The following ECT2L variants were observed in gnomAD, a reference collection of about 807,000 sequenced individuals.
ECT2L encodes epithelial cell-transforming sequence 2 oncogene-like.
Under a neutral mutation model 122.8 loss-of-function variants are expected in ECT2L, and 126 were observed. That is an observed-to-expected ratio of 1.03 (90% CI 0.89 to 1.19). The LOEUF is 1.19. Ranked by LOEUF, ECT2L falls within the 50% of genes most tolerant of loss-of-function variation. The probability of loss-of-function intolerance (pLI) is 0.00; values close to 1 mark genes in which losing one functional copy is unlikely to be tolerated. For missense variants in ECT2L, 1,012 were observed against 1,064.1 expected, an observed-to-expected ratio of 0.95 and a Z score of 0.68; for synonymous variants, 385 against 381.8, an observed-to-expected ratio of 1.01 and a Z score of -0.10.
intron 20 of ECT2L, 52 bp downstream of exon 20, chr6:138,889,083 C>T (rs1390697447): frequency 2.1e-6 from 2 of 965,144 alleles, no homozygotes; most frequent in Admixed American, 2.5e-5. Context: ...AAGCAGGTGA[C>T]TGTCTTACTC....
chr6:138,853,816 A>G (rs1237946206), intron 9 of ECT2L, among the ~76,000 whole-genome samples: 1 of 152,216 alleles, frequency 6.6e-6, no homozygotes, highest in African/African-American at 2.4e-5. Context: ...ACCTGAGTGC[A>G]TAGTGTCCAA....
rs527577268 is a variant in ECT2L at position 138,850,329 on chromosome 6, G to C, written c.1069+895G>C. ...CTGGCTAATTTTTCTATTTTTAGTA[G>C]AGACAGGGTTCCACTATGTTGGCCA... On this transcript the variant is annotated intron_variant, in intron 9 of 21. Transcript: ENST00000541398. Among the ~76,000 whole-genome samples the C allele has an allele frequency of 2.0e-5, 3 of 152,100 alleles. No individual in the cohort carries two copies. In the East Asian group the frequency reaches 5.8e-4, roughly 30 times the overall value.
intron 1 of ECT2L, among the ~76,000 whole-genome samples, chr6:138,810,472 G>A (rs1321883281): frequency 6.6e-6 from 1 of 152,198 alleles, no homozygotes; most frequent in Non-Finnish European, 1.5e-5. Context: ...AATATCTGCA[G>A]TTAACTTTAG....
chr6:138,831,354 T>A (rs1012544267), intron 4 of ECT2L, among the ~76,000 whole-genome samples: 1 of 152,238 alleles, frequency 6.6e-6, no homozygotes, highest in African/African-American at 2.4e-5. Context: ...TTTAAAAAAT[T>A]GTAACCTTTA....
At position 138,862,617 on chromosome 6, in the gene ECT2L, G is replaced by T; in HGVS notation, c.1199-10G>T. On this transcript the variant is annotated splice_polypyrimidine_tract_variant and intron_variant, in intron 10 of 21. Coordinates refer to ENST00000541398, the MANE Select transcript of ECT2L (RefSeq NM_001077706.3). ...TGAGGAAACTAACGAAAGTGTTTTTGACTATGCAGAGGCAGGAATTGAAGT... is the reference window on the plus strand; with the variant it reads ...TGAGGAAACTAACGAAAGTGTTTTTTACTATGCAGAGGCAGGAATTGAAGT... 1 of 1,613,148 alleles carries T rather than the reference G, an allele frequency of 6.2e-7. No homozygotes were observed. The highest frequency in any genetic ancestry group is 1.1e-5 in the South Asian group (1 of 90,972).
chr6:138,823,255 T>C, intron 4 of ECT2L: 5 of 1,563,798 alleles, frequency 3.2e-6, no homozygotes, highest in Non-Finnish European at 4.3e-6. Flanking sequence ...TTGCTGAGCA[T>C]ACCCCAGCTG....
chr6:138,901,667 G>A lies in ECT2L; in HGVS notation c.2587+547G>A, dbSNP rs1288044229. 2.6e-5 allele frequency among the ~76,000 whole-genome samples: 4 copies of A among 152,082 alleles called. No homozygotes were observed. In the East Asian group the frequency reaches 5.8e-4, roughly 22 times the overall value. On this transcript the variant is annotated intron_variant, in intron 21 of 21. Coordinates refer to ENST00000541398, the MANE Select transcript of ECT2L (RefSeq NM_001077706.3). ...AGAAATATCATTTTGTCACGAAAAC[G>A]AAATCCTACTTAAACCCACTATACA...
chr6:138,838,494 TG>T lies in ECT2L; in HGVS notation c.324del (p.Trp108Ter). On this transcript the variant is annotated frameshift_variant, in exon 5 of 22. Transcript: ENST00000541398. LOFTEE classifies it high-confidence loss of function. ...LCAAAQVSWP[W>X]KFLTEQDCLW... is the part of the protein sequence containing the mutation. ...TGCCGCTGCCCAAGTCAGCTGGCCC[TG>T]GAAGTTTTTAACTGAACAGGTTTAC... 6.2e-7 allele frequency: 1 copy of T among 1,612,126 alleles called. No homozygotes were observed. The highest frequency in any genetic ancestry group is 8.5e-7 in the Non-Finnish European group (1 of 1,179,452).
At chr6:138,900,889 C>A (rs1779373200) in intron 20 of ECT2L, 59 bp from the exon 21 acceptor site, 1 of 1,529,954 alleles carries the variant, frequency 6.5e-7, no homozygotes. Flanking sequence ...AGATGCTTAA[C>A]TATGTAACAA....
intron 5 of ECT2L, among the ~76,000 whole-genome samples, chr6:138,842,026 GATA>G (rs975159496): frequency 9.2e-5 from 14 of 152,268 alleles, no homozygotes; most frequent in African/African-American, 3.4e-4. Context: ...TGGAACATTG[GATA>G]AGTGTCACAA....
chr6:138,900,193 A>G (rs1779352177), intron 20 of ECT2L, among the ~76,000 whole-genome samples: 1 of 152,154 alleles, frequency 6.6e-6, no homozygotes, highest in African/African-American at 2.4e-5. Flanking sequence ...TTCTCCTATT[A>G]ATACACCTCA....
At chr6:138,819,522 T>C (rs1455633896) in intron 4 of ECT2L, among the ~76,000 whole-genome samples, 1 of 146,624 alleles carries the variant, frequency 6.8e-6, no homozygotes, top group Admixed American at 7.0e-5. Flanking sequence ...GGCTCCATGA[T>C]AGCAAAGACT....
intron 4 of ECT2L, among the ~76,000 whole-genome samples, chr6:138,824,694 T>C (rs1301741233): frequency 6.6e-6 from 1 of 152,114 alleles, no homozygotes; most frequent in Non-Finnish European, 1.5e-5. Flanking sequence ...TCAGTGTCAG[T>C]CAGCCTCCCA....
At chr6:138,885,457 C>G (rs780211629) in intron 16 of ECT2L, 49 bp from the exon 17 acceptor site, 20 of 1,586,400 alleles carry the variant, frequency 1.3e-5, no homozygotes, top group Admixed American at 1.7e-5. Flanking sequence ...GAACAGTGGA[C>G]TTTACAACTA....
At chr6:138,860,888 C>G (rs1026244926) in intron 10 of ECT2L, among the ~76,000 whole-genome samples, 1 of 151,944 alleles carries the variant, frequency 6.6e-6, no homozygotes, top group African/African-American at 2.4e-5. Context: ...TCCCGCCAAC[C>G]CCCTGACAGG....
chr6:138,881,551 A>G (rs984195335), intron 15 of ECT2L, among the ~76,000 whole-genome samples: 6 of 151,720 alleles, frequency 4.0e-5, no homozygotes, highest in African/African-American at 1.4e-4. Context: ...TATTTCTATT[A>G]TATTATAATA....
intron 12 of ECT2L, 55 bp from the exon 13 acceptor site, chr6:138,868,048 T>A: frequency 7.7e-7 from 1 of 1,293,312 alleles, no homozygotes; most frequent in South Asian, 1.4e-5. Flanking sequence ...TTGTTGTTTT[T>A]AAATCACATT....
At chr6:138,836,707 TATTTA>T (rs773507191) in intron 4 of ECT2L, among the ~76,000 whole-genome samples, 10 of 152,016 alleles carry the variant, frequency 6.6e-5, no homozygotes, top group Non-Finnish European at 1.3e-4. Flanking sequence ...CTCCCCTATT[TATTTA>T]TTCATTCATG....
chr6:138,882,161 T>G (rs1186147892), intron 15 of ECT2L, among the ~76,000 whole-genome samples: 1 of 152,176 alleles, frequency 6.6e-6, no homozygotes, highest in African/African-American at 2.4e-5. Flanking sequence ...CTGCCTGTGG[T>G]AAAAGGAGGC....
Sources: gnomAD v4.1 joint callset for allele counts (sites outside exome capture counted in the v4.1 genomes callset) on GRCh38, gnomAD v4.1.1 for gene constraint, MANE v1.5 for transcripts, NCBI Gene and HGNC (gene_info 2026-07-23, HGNC 2026-07-21) for gene names.